The following RIMS1 variants were observed in gnomAD, a reference collection of about 807,000 sequenced individuals.
The protein encoded by RIMS1 is regulating synaptic membrane exocytosis 1.
RIMS1 carries 83 observed loss-of-function variants against 214.1 expected under a neutral mutation model. That is an observed-to-expected ratio of 0.39 (90% CI 0.32 to 0.47). RIMS1 has a LOEUF of 0.47. Ranked by LOEUF, RIMS1 falls within the 20% of genes least tolerant of loss-of-function variation. RIMS1 has a pLI of 0.99. For missense variants in RIMS1, 2,050 were observed against 2,161.8 expected (o/e 0.95, Z 1.03); for synonymous variants, 793 against 786.8 (o/e 1.01, Z -0.13).
intron 4 of RIMS1, among the ~76,000 whole-genome samples, chr6:72,170,871 T>G (rs1327473164): frequency 6.6e-6 from 1 of 152,212 alleles, no homozygotes; most frequent in Non-Finnish European, 1.5e-5. Context: ...CAATAAATGT[T>G]GTATGATGCT....
At chr6:71,995,451 C>CGTGTGTGT (rs59174738) in intron 2 of RIMS1, among the ~76,000 whole-genome samples, 3,479 of 144,444 alleles carry the variant, frequency 0.024, 51 homozygotes, top group South Asian at 0.052. Context: ...TGTAATATGA[C>CGTGTGTGT]GTGTGTGTGT....
At chr6:72,357,792 T>C (rs1201756805) in intron 29 of RIMS1, among the ~76,000 whole-genome samples, 3 of 152,230 alleles carry the variant, frequency 2.0e-5, no homozygotes, top group Non-Finnish European at 4.4e-5. Flanking sequence ...CGTATCTCAG[T>C]CATAATTCCA....
chr6:72,394,222 A>G (rs1404640100), intron 31 of RIMS1, among the ~76,000 whole-genome samples: 2 of 152,154 alleles, frequency 1.3e-5, no homozygotes, highest in African/African-American at 4.8e-5. Context: ...ATTTTTATGG[A>G]AGAGATAAAC....
intron 31 of RIMS1, among the ~76,000 whole-genome samples, chr6:72,394,062 T>C (rs1188497606): frequency 6.7e-6 from 1 of 148,844 alleles, no homozygotes. Flanking sequence ...AAAAAACAAA[T>C]GCTTCCTCAC....
In RIMS1 at chr6:72,170,590, G is replaced by A. The variant is rs1037774984; in HGVS notation, c.472-8985G>A. 6.6e-5 allele frequency among the ~76,000 whole-genome samples: 10 copies of A among 152,128 alleles called. No individual in the cohort carries two copies. The East Asian group carries it at 9.7e-4, about 15-fold the overall frequency. Reference sequence around the variant, plus strand: ...AAACTCCTGACCTTGTGATCCACCCGCCTCAGCCTCCCAAAGTGCTGGGAT... The same window carrying A: ...AAACTCCTGACCTTGTGATCCACCCACCTCAGCCTCCCAAAGTGCTGGGAT... On this transcript the variant is annotated intron_variant, in intron 4 of 33. Coordinates refer to ENST00000521978, the MANE Select transcript of RIMS1 (RefSeq NM_014989.7).
At chr6:72,139,976 G>A (rs1324055063) in intron 4 of RIMS1, among the ~76,000 whole-genome samples, 5 of 152,118 alleles carry the variant, frequency 3.3e-5, no homozygotes, top group African/African-American at 1.2e-4. Flanking sequence ...GAAACAGCAA[G>A]TTAATTTCTT....
Position 72,333,825 on chromosome 6 carries a change from T to C in RIMS1, c.4356T>C (p.Leu1452=). Reference sequence around the variant, plus strand: ...GAAGGAGTAGAAGCACATCCCAGCTTAGTCAAACAGGTGAGTGATGTGAAT... The same window carrying C: ...GAAGGAGTAGAAGCACATCCCAGCTCAGTCAAACAGGTGAGTGATGTGAAT... ...VSRRSRSTSQ[L]SQTESGHKKL... is the part of the protein sequence containing the mutation. Residue 1452 remains leucine, a synonymous_variant, in exon 29 of 34, where the codon CTT becomes CTC. Transcript: ENST00000521978. 6.3e-7 allele frequency: 1 copy of C among 1,578,564 alleles called. No homozygotes were observed. The highest frequency in any genetic ancestry group is 8.6e-7 in the Non-Finnish European group (1 of 1,161,588).
intron 27 of RIMS1, among the ~76,000 whole-genome samples, chr6:72,308,670 A>T (rs1260306689): frequency 6.6e-6 from 1 of 152,118 alleles, no homozygotes; most frequent in Non-Finnish European, 1.5e-5. Context: ...GTCACTTTAC[A>T]TGTTAGGTTA....
At chr6:72,311,663 T>C (rs1201690787) in intron 27 of RIMS1, among the ~76,000 whole-genome samples, 2 of 152,216 alleles carry the variant, frequency 1.3e-5, no homozygotes, top group Non-Finnish European at 2.9e-5. Context: ...ATTATTTTCA[T>C]GCCTGATATG....
intron 26 of RIMS1, among the ~76,000 whole-genome samples, chr6:72,294,087 T>C (rs960479624): frequency 4.6e-5 from 7 of 151,704 alleles, no homozygotes; most frequent in African/African-American, 1.7e-4. Flanking sequence ...TTTTTTATGA[T>C]ATAAATATGT....
At position 72,233,756 on chromosome 6, in the gene RIMS1, CT is replaced by C; in HGVS notation, c.1679-12del. 6.5e-7 allele frequency: 1 copy of C among 1,544,642 alleles called. No homozygotes were observed. The highest frequency in any genetic ancestry group is 1.2e-5 in the South Asian group (1 of 84,340). On this transcript the variant is annotated splice_polypyrimidine_tract_variant and intron_variant, in intron 6 of 33. Coordinates refer to ENST00000521978, the MANE Select transcript of RIMS1 (RefSeq NM_014989.7). ...CTTTAATACCATTACACTTTTCATTCTTTTTGTATTGCACAGGTGATTTGGA... is the reference window on the plus strand; with the variant it reads ...CTTTAATACCATTACACTTTTCATTCTTTTGTATTGCACAGGTGATTTGGA...
intron 2 of RIMS1, among the ~76,000 whole-genome samples, chr6:72,000,254 T>G (rs1804741520): frequency 6.6e-6 from 1 of 152,162 alleles, no homozygotes; most frequent in African/African-American, 2.4e-5. Flanking sequence ...AAAAAGTTCT[T>G]GGGATATAGT....
chr6:72,237,675 C>CA (rs879121321), intron 8 of RIMS1, 148 bp from the exon 9 acceptor site: 67,494 of 496,932 alleles, frequency 0.14, no homozygotes, highest in East Asian at 0.16. Context: ...GATCCCATCT[C>CA]AAAAAAAAAA....
intron 1 of RIMS1, among the ~76,000 whole-genome samples, chr6:71,956,445 T>C (rs544487570): frequency 4.6e-5 from 7 of 152,298 alleles, no homozygotes; most frequent in African/African-American, 1.7e-4. Flanking sequence ...TAAGTTTTGC[T>C]CTGAGCTTCC....
chr6:72,294,738 G>A (rs2093875799), intron 26 of RIMS1, among the ~76,000 whole-genome samples: 1 of 151,588 alleles, frequency 6.6e-6, no homozygotes, highest in Non-Finnish European at 1.5e-5. Flanking sequence ...GGAAACACAT[G>A]TTTAATCAAT....
chr6:71,952,962 A>G (rs529459453), intron 1 of RIMS1, among the ~76,000 whole-genome samples: 1 of 150,598 alleles, frequency 6.6e-6, no homozygotes, highest in African/African-American at 2.4e-5. Context: ...GCAAGCTCCA[A>G]TGCAGAAGCG....
Position 72,290,740 on chromosome 6 carries a change from G to A in RIMS1, c.3616G>A (p.Val1206Ile). ...AGCCCCAAGAGCAACTGATCAGCCA[G>A]TCATTAGGGGAAAACATCCTGCTCG... ...HAAPRATDQP[V>I]IRGKHPARSR... Residue 1206 changes from valine (V) to isoleucine (I), a missense_variant, in exon 25 of 34, where the codon GTC (valine) becomes ATC (isoleucine). Val to Ile is a conservative substitution (Grantham distance 29). Around this residue, in one of 6 missense-constraint regions of RIMS1, gnomAD observed 889 missense variants for 885.5 expected, o/e 1.00. Transcript: ENST00000521978. 1.9e-6 allele frequency: 3 copies of A among 1,613,842 alleles called. No individual in the cohort carries two copies. Among genetic ancestry groups the A allele is most frequent in the Non-Finnish European group, 2.5e-6 (3 of 1,179,790 alleles).
intron 29 of RIMS1, among the ~76,000 whole-genome samples, chr6:72,355,847 A>G (rs2097615507): frequency 6.6e-6 from 1 of 152,186 alleles, no homozygotes; most frequent in South Asian, 2.1e-4. Flanking sequence ...AAATATCATA[A>G]TGAGCATAAT....
Position 72,239,899 on chromosome 6 carries a change from T to A in RIMS1, c.1957+1977T>A, listed in dbSNP as rs568735724. 1.4e-3 allele frequency among the ~76,000 whole-genome samples: 216 copies of A among 151,270 alleles called. 2 individuals are homozygous for A. Among genetic ancestry groups the A allele is most frequent in the African/African-American group, 4.7e-3 (196 of 41,328 alleles). The stretch of plus-strand genomic sequence containing the variant: ...AATGCCTCTTGTCTACCTAGTTTTC[T>A]ACCACTCCTGTTGAAGGCCTTTCCA... On this transcript the variant is annotated intron_variant, in intron 9 of 33. Coordinates refer to ENST00000521978, the MANE Select transcript of RIMS1 (RefSeq NM_014989.7).
Sources: gnomAD v4.1 joint callset for allele counts (sites outside exome capture counted in the v4.1 genomes callset) on GRCh38, gnomAD v4.1.1 for gene constraint, gnomAD v4.1.1 regional missense constraint, MANE v1.5 for transcripts, NCBI Gene and HGNC (gene_info 2026-07-23, HGNC 2026-07-21) for gene names.